RBM20: variants seen among roughly 807,000 people sequenced by gnomAD.
The protein encoded by RBM20 is RNA binding motif protein 20.
In RBM20, 51 loss-of-function variants were observed where a neutral mutation model predicts 110.1. The ratio of observed to expected loss-of-function variants is 0.46; its 90% CI spans 0.37 to 0.59. The LOEUF is 0.59. Among genes scored for constraint, RBM20 ranks in the 20% least tolerant of loss-of-function variants. The pLI is 0.00. For synonymous variants in RBM20, 589 were observed against 618.2 expected, an observed-to-expected ratio of 0.95 and a Z score of 0.70; for missense variants, 1,512 against 1,574.9, an observed-to-expected ratio of 0.96 and a Z score of 0.68.
At chr10:110,831,908 C>T (rs779367762) in intron 13 of RBM20, among the ~76,000 whole-genome samples, 10 of 152,046 alleles carry the variant, frequency 6.6e-5, no homozygotes, top group Non-Finnish European at 1.3e-4. Flanking sequence ...ATAAAAAATA[C>T]TCTATACACC....
In RBM20 at chr10:110,812,393, C is replaced by T. The variant is rs570820786; in HGVS notation, c.1996C>T (p.Arg666Trp). 169 of 1,551,704 alleles carry T rather than the reference C, an allele frequency of 1.1e-4. No homozygotes were observed. Among genetic ancestry groups the T allele is most frequent in the South Asian group, 6.5e-4 (55 of 84,066 alleles). The change falls in exon 9 of 14, where the codon CGG becomes TGG. Residue 666 changes from arginine (R) to tryptophan (W), a missense_variant. Arg to Trp is a moderately radical substitution (Grantham distance 101). Transcript: ENST00000369519. ...SSSHSPPGPS[R>W]ADWGNGRDSW... is the part of the protein sequence containing the mutation. ...TTCCCACAGCCCTCCGGGCCCCTCC[C>T]GGGCTGACTGGGGCAATGGCCGGGA...
chr10:110,777,709 C>T (rs1412821664), intron 1 of RBM20, among the ~76,000 whole-genome samples: 1 of 152,188 alleles, frequency 6.6e-6, no homozygotes, highest in Non-Finnish European at 1.5e-5. Context: ...GTTGGAAAGC[C>T]CTTCCTCACG....
chr10:110,812,192 T>G, intron 8 of RBM20, 86 bp from the exon 9 acceptor site: 1 of 1,209,194 alleles, frequency 8.3e-7, no homozygotes, highest in South Asian at 1.5e-5. Flanking sequence ...ACAGTATATC[T>G]AAGACAGAGA....
intron 12 of RBM20, among the ~76,000 whole-genome samples, chr10:110,824,696 G>A (rs1210168544): frequency 1.3e-5 from 2 of 152,140 alleles, no homozygotes; most frequent in Non-Finnish European, 2.9e-5. Flanking sequence ...AGTTCCCTGG[G>A]AGATTCTGAC....
chr10:110,685,767 G>A (rs1389570762), intron 1 of RBM20, among the ~76,000 whole-genome samples: 2 of 152,150 alleles, frequency 1.3e-5, no homozygotes, highest in Admixed American at 6.5e-5. Flanking sequence ...AGGTGGGTTC[G>A]GGCTAACGTG....
At chr10:110,822,468 C>T (rs1844926949) in intron 11 of RBM20, 2 of 456,922 alleles carry the variant, frequency 4.4e-6, no homozygotes, top group Non-Finnish European at 4.4e-6. Context: ...GATATTCTCT[C>T]ACTCCATTGG....
intron 6 of RBM20, 46 bp downstream of exon 6, chr10:110,797,694 C>A: frequency 6.6e-7 from 1 of 1,513,370 alleles, no homozygotes; most frequent in Non-Finnish European, 8.9e-7. Flanking sequence ...ACAGACCACA[C>A]ATTAGTGAAA....
rs142060255 is a variant in RBM20 at position 110,716,184 on chromosome 10, A to G, written c.192-64617A>G. Among the ~76,000 whole-genome samples the G allele has an allele frequency of 4.1e-3, 620 of 152,328 alleles. 5 individuals are homozygous for G. The highest frequency in any genetic ancestry group is 6.8e-3 in the Middle Eastern group (2 of 294). ...AAGGTCTTGGTCTTTTCTCTTTCCT[A>G]GTAATGAGGAGGTAGAATGGTAGGT... On this transcript the variant is annotated intron_variant, in intron 1 of 13. Transcript: ENST00000369519.
chr10:110,715,903 A>G (rs1401238628), intron 1 of RBM20, among the ~76,000 whole-genome samples: 2 of 152,208 alleles, frequency 1.3e-5, no homozygotes, highest in African/African-American at 4.8e-5. Context: ...CCACTTAACT[A>G]CAAGGGAGGC....
chr10:110,765,189 G>GAA (rs1371201443), intron 1 of RBM20, among the ~76,000 whole-genome samples: 2 of 152,168 alleles, frequency 1.3e-5, no homozygotes, highest in East Asian at 3.9e-4. Context: ...AGATCTGGGA[G>GAA]AATGGAAGGG....
chr10:110,645,903 A>ATAT (rs10690881), intron 1 of RBM20, among the ~76,000 whole-genome samples: 150,222 of 152,256 alleles, frequency 0.99, 74,147 homozygotes, highest in East Asian at 1. Flanking sequence ...AAAATATTTC[A>ATAT]TATTATTCTT....
intron 1 of RBM20, among the ~76,000 whole-genome samples, chr10:110,759,945 G>A (rs976160058): frequency 1.3e-5 from 2 of 152,230 alleles, no homozygotes; most frequent in Admixed American, 6.5e-5. Flanking sequence ...TGGTTGAGCA[G>A]TTACTCTGCC....
intron 8 of RBM20, 38 bp downstream of exon 8, chr10:110,810,500 G>A (rs1180129032): frequency 2.1e-6 from 3 of 1,457,502 alleles, no homozygotes; most frequent in Admixed American, 3.9e-5. Context: ...GCAGGTTCTG[G>A]GCAGTGGGAA....
intron 1 of RBM20, among the ~76,000 whole-genome samples, chr10:110,727,393 C>T (rs1257507142): frequency 1.1e-5 from 1 of 89,126 alleles, no homozygotes; most frequent in African/African-American, 4.9e-5. Context: ...ATTAAAAAGT[C>T]CGTCTCAAAA....
intron 1 of RBM20, among the ~76,000 whole-genome samples, chr10:110,708,655 A>T (rs1862877436): frequency 6.6e-6 from 1 of 152,208 alleles, no homozygotes; most frequent in African/African-American, 2.4e-5. Context: ...AATGATTTTC[A>T]CTTTCTAAGT....
chr10:110,735,970 A>C (rs909924220), intron 1 of RBM20, among the ~76,000 whole-genome samples: 1 of 152,168 alleles, frequency 6.6e-6, no homozygotes, highest in Non-Finnish European at 1.5e-5. Flanking sequence ...TCTCCCACCC[A>C]TCTCCCTCTG....
intron 13 of RBM20, among the ~76,000 whole-genome samples, chr10:110,833,156 C>T (rs1408514311): frequency 2.6e-5 from 4 of 151,612 alleles, no homozygotes; most frequent in Admixed American, 2.0e-4. Context: ...TTTGGGAGAC[C>T]GAGGCGGGTG....
intron 1 of RBM20, among the ~76,000 whole-genome samples, chr10:110,646,784 G>A (rs1355551252): frequency 6.6e-6 from 1 of 152,232 alleles, no homozygotes; most frequent in African/African-American, 2.4e-5. Flanking sequence ...GTTATGAGGT[G>A]TGGTTTGCAT....
chr10:110,704,221 T>C (rs978301981), intron 1 of RBM20, among the ~76,000 whole-genome samples: 4 of 152,258 alleles, frequency 2.6e-5, no homozygotes, highest in African/African-American at 9.6e-5. Flanking sequence ...AGTGTATCAA[T>C]GGTGCATTAT....
Sources: gnomAD v4.1 joint callset for allele counts (sites outside exome capture counted in the v4.1 genomes callset) on GRCh38, gnomAD v4.1.1 for gene constraint, MANE v1.5 for transcripts, NCBI Gene and HGNC (gene_info 2026-07-23, HGNC 2026-07-21) for gene names.